The following DPP10 variants were observed in gnomAD, a reference collection of about 807,000 sequenced individuals.
The protein encoded by DPP10 is inactive dipeptidyl peptidase 10.
Under a neutral mutation model 120.9 loss-of-function variants are expected in DPP10, and 33 were observed. The ratio of observed to expected loss-of-function variants is 0.27; its 90% CI spans 0.21 to 0.37. DPP10 has a LOEUF of 0.37. Ranked by LOEUF, DPP10 falls within the 10% of genes least tolerant of loss-of-function variation. The pLI is 1.00. For missense variants in DPP10, 816 were observed against 942.8 expected (o/e 0.87, Z 1.76); for synonymous variants, 337 against 326.1 (o/e 1.03, Z -0.36).
chr2:114,904,727 C>T (rs1693833907), intron 1 of DPP10, among the ~76,000 whole-genome samples: 1 of 152,148 alleles, frequency 6.6e-6, no homozygotes, highest in African/African-American at 2.4e-5. Flanking sequence ...GGCCATCAGA[C>T]TCATTAAATT....
chr2:115,019,130 C>T (rs62164484), intron 1 of DPP10, among the ~76,000 whole-genome samples: 11,779 of 151,666 alleles, frequency 0.078, 690 homozygotes, highest in Non-Finnish European at 0.1. Context: ...ATATGGGGAG[C>T]GGTGCAAGGA....
At chr2:114,798,502 A>G (rs1683906211) in intron 1 of DPP10, among the ~76,000 whole-genome samples, 3 of 152,142 alleles carry the variant, frequency 2.0e-5, no homozygotes, top group Admixed American at 6.5e-5. Flanking sequence ...CAATTTGTTT[A>G]TTCTTCTTTT....
intron 1 of DPP10, among the ~76,000 whole-genome samples, chr2:114,592,386 A>C (rs906681598): frequency 2.0e-5 from 3 of 152,188 alleles, no homozygotes; most frequent in Admixed American, 6.5e-5. Context: ...ACATGAATTT[A>C]TTTGAGGGAG....
At chr2:115,195,903 G>GT (rs1229839684) in intron 1 of DPP10, among the ~76,000 whole-genome samples, 2 of 152,042 alleles carry the variant, frequency 1.3e-5, no homozygotes, top group African/African-American at 4.8e-5. Flanking sequence ...CATATCTTTT[G>GT]TTTTATTACT....
intron 1 of DPP10, among the ~76,000 whole-genome samples, chr2:114,630,328 A>G (rs1474836180): frequency 6.6e-6 from 1 of 152,192 alleles, no homozygotes; most frequent in Non-Finnish European, 1.5e-5. Flanking sequence ...AACTGGAACT[A>G]GAAATATAGG....
chr2:115,274,477 C>T (rs933411455), intron 1 of DPP10, among the ~76,000 whole-genome samples: 2 of 151,908 alleles, frequency 1.3e-5, no homozygotes, highest in African/African-American at 4.8e-5. Context: ...GTTTAATCTA[C>T]AGAGAAGTTC....
intron 3 of DPP10, among the ~76,000 whole-genome samples, chr2:115,398,740 A>G (rs769544903): frequency 5.9e-5 from 9 of 152,190 alleles, no homozygotes; most frequent in Admixed American, 1.3e-4. Flanking sequence ...TTCATATCAG[A>G]CTTCAGCCTC....
intron 3 of DPP10, among the ~76,000 whole-genome samples, chr2:115,416,397 A>G (rs1210028083): frequency 6.6e-6 from 1 of 152,118 alleles, no homozygotes; most frequent in Admixed American, 6.5e-5. Flanking sequence ...AGTAGAAATG[A>G]CTCAGCTATA....
intron 1 of DPP10, among the ~76,000 whole-genome samples, chr2:115,205,106 C>T (rs1013548194): frequency 6.6e-6 from 1 of 152,040 alleles, no homozygotes; most frequent in African/African-American, 2.4e-5. Context: ...TTAGGTCCTA[C>T]TTGTCAATTT....
chr2:114,689,991 T>C (rs924753992), intron 1 of DPP10, among the ~76,000 whole-genome samples: 5 of 152,110 alleles, frequency 3.3e-5, no homozygotes, highest in African/African-American at 1.2e-4. Context: ...TAGTCCTTTG[T>C]TAGATGGATA....
At chr2:115,768,535 T>A in intron 13 of DPP10, 131 bp downstream of exon 13, 1 of 680,346 alleles carries the variant, frequency 1.5e-6, no homozygotes, top group East Asian at 2.9e-5. Context: ...ACAGACATCT[T>A]AGGAAGAGGA....
chr2:115,835,147 G>C (rs943733860), intron 21 of DPP10, among the ~76,000 whole-genome samples: 57 of 150,572 alleles, frequency 3.8e-4, no homozygotes, highest in African/African-American at 1.4e-3. Context: ...AAAAAAAAAA[G>C]CAAGAGAAAA....
rs558529207 is a variant in DPP10 at position 114,892,996 on chromosome 2, G to A, written c.61-416243G>A. Among the ~76,000 whole-genome samples, 9 of 152,224 alleles carry A rather than the reference G, an allele frequency of 5.9e-5. No homozygotes were observed. In the South Asian group the frequency reaches 6.2e-4, roughly 11 times the overall value. On this transcript the variant is annotated intron_variant, in intron 1 of 25. Transcript: ENST00000410059. ...ATTTGACACAAATGTTTTCTTAGGC[G>A]TATTCCATGGACCACCAATATACTG...
At chr2:114,485,653 C>T (rs1397291900) in intron 1 of DPP10, among the ~76,000 whole-genome samples, 1 of 151,888 alleles carries the variant, frequency 6.6e-6, no homozygotes, top group Admixed American at 6.6e-5. Flanking sequence ...ATTAACAGGT[C>T]TTTATTGTGT....
At chr2:115,196,781 C>A (rs946400279) in intron 1 of DPP10, among the ~76,000 whole-genome samples, 1 of 152,142 alleles carries the variant, frequency 6.6e-6, no homozygotes, top group African/African-American at 2.4e-5. Flanking sequence ...CTCACTTTGT[C>A]AGAACATATG....
intron 4 of DPP10, among the ~76,000 whole-genome samples, chr2:115,500,505 T>A (rs1480099564): frequency 6.6e-6 from 1 of 151,984 alleles, no homozygotes; most frequent in Non-Finnish European, 1.5e-5. Context: ...GGAATGGCCC[T>A]ATGGAAAAAA....
chr2:115,777,191 T>A lies in DPP10; in HGVS notation c.1222-17T>A. 6.2e-7 allele frequency: 1 copy of A among 1,609,346 alleles called. No individual in the cohort carries two copies. The highest frequency in any genetic ancestry group is 8.5e-7 in the Non-Finnish European group (1 of 1,176,606). ...GTTTAAATGAAAGGAAAATCAATAT[T>A]TTCTATTTCTTTGCAGAGTAAAAGT... On this transcript the variant is annotated splice_polypyrimidine_tract_variant and intron_variant, in intron 13 of 25. Transcript: ENST00000410059.
intron 1 of DPP10, among the ~76,000 whole-genome samples, chr2:114,768,411 C>A (rs1274305125): frequency 6.6e-6 from 1 of 152,092 alleles, no homozygotes; most frequent in Non-Finnish European, 1.5e-5. Flanking sequence ...ATCACGACAA[C>A]AATAATAATC....
At chr2:114,838,375 T>G (rs1687900679) in intron 1 of DPP10, among the ~76,000 whole-genome samples, 1 of 152,158 alleles carries the variant, frequency 6.6e-6, no homozygotes, top group Non-Finnish European at 1.5e-5. Context: ...TGGAGTGCAG[T>G]GTCACTTGGC....
Sources: allele counts gnomAD v4.1 joint callset (sites outside exome capture counted in the v4.1 genomes callset), GRCh38; gene constraint gnomAD v4.1.1; transcripts MANE v1.5; gene names NCBI Gene and HGNC (gene_info 2026-07-23, HGNC 2026-07-21).